Variants in ADCK5 observed in about 807,000 individuals in gnomAD.
ADCK5 encodes uncharacterized aarF domain-containing protein kinase 5.
ADCK5 carries 43 observed loss-of-function variants against 64.9 expected under a neutral mutation model. The ratio of observed to expected loss-of-function variants is 0.66; its 90% CI spans 0.52 to 0.85. The LOEUF (loss-of-function observed/expected upper bound fraction) is 0.85. Among genes scored for constraint, ADCK5 ranks in the 40% least tolerant of loss-of-function variants. The pLI is 0.00. For synonymous variants in ADCK5, 434 were observed against 342.8 expected, an observed-to-expected ratio of 1.27 and a Z score of -2.94; for missense variants, 760 against 810.5, an observed-to-expected ratio of 0.94 and a Z score of 0.76.
intron 2 of ADCK5, among the ~76,000 whole-genome samples, chr8:144,381,636 G>A (rs1478209353): frequency 6.8e-6 from 1 of 146,614 alleles, no homozygotes; most frequent in Non-Finnish European, 1.5e-5. Context: ...CAGGATTATG[G>A]GCCGGGTGTA....
chr8:144,383,058 C>G (rs1554858602), intron 2 of ADCK5, 23 bp from the exon 3 acceptor site: 2 of 1,579,556 alleles, frequency 1.3e-6, no homozygotes, highest in South Asian at 2.3e-5. Context: ...GCGGCGCCTC[C>G]AGGCTGCATT....
Position 144,390,996 on chromosome 8 carries a change from C to T in ADCK5, c.483C>T (p.Pro161=), listed in dbSNP as rs782137436. 97 of 1,612,902 alleles carry T rather than the reference C, an allele frequency of 6.0e-5. No individual in the cohort carries two copies. The highest frequency in any genetic ancestry group is 7.9e-5 in the Non-Finnish European group (93 of 1,180,000). The stretch of plus-strand genomic sequence containing the variant: ...GCTCCTTCAACCACCTGCTTCCCCC[C>T]GAGTATACCCGGACCCTGCGCGTGC... ...GLCSFNHLLP[P]EYTRTLRVLE... is the part of the protein sequence containing the mutation. The change falls in exon 5 of 15, where the codon CCC becomes CCT. Residue 161 remains proline, a synonymous_variant. Transcript: ENST00000308860.
At position 144,392,690 on chromosome 8, in the gene ADCK5, G is replaced by C. The variant is rs1554861467; in HGVS notation, c.1513G>C (p.Ala505Pro). Residue 505 changes from alanine to proline, a missense_variant, in exon 13 of 15, where the codon GCT becomes CCT. Ala to Pro is a conservative substitution (Grantham distance 27). This residue lies in a region of ADCK5 where 333 missense variants were observed against 292.0 expected (regional missense o/e 1.14). Coordinates refer to ENST00000308860, the MANE Select transcript of ADCK5 (RefSeq NM_174922.5). ...CCCCGTGGACCGCTACTTCCTTATG[G>C]CTAAAAGGTCGGTGGCCCGAGGAGG... ...GAPVDRYFLMAKRAVRGWSRL... is the reference protein window; with the variant it reads ...GAPVDRYFLMPKRAVRGWSRL... 1 of 1,595,214 alleles carries C rather than the reference G, an allele frequency of 6.3e-7. No individual in the cohort carries two copies. Among genetic ancestry groups the C allele is most frequent in the Non-Finnish European group, 8.5e-7 (1 of 1,171,070 alleles).
intron 1 of ADCK5, chr8:144,375,410 A>C (rs1454761233): frequency 1.1e-5 from 10 of 944,728 alleles, no homozygotes; most frequent in Admixed American, 6.2e-5. Context: ...CCTCATGTTG[A>C]GGTGCACAGT....
At position 144,391,006 on chromosome 8, in the gene ADCK5, C is replaced by G; in HGVS notation, c.493C>G (p.Arg165Gly). 2 of 1,612,986 alleles carry G rather than the reference C, an allele frequency of 1.2e-6. No homozygotes were observed. Among genetic ancestry groups the G allele is most frequent in the Non-Finnish European group, 1.7e-6 (2 of 1,179,996 alleles). The change falls in exon 5 of 15, where the codon CGG (arginine) becomes GGG (glycine). Residue 165 changes from arginine (R) to glycine (G), a missense_variant. Arg to Gly is a moderately radical substitution (Grantham distance 125). Transcript: ENST00000308860. ...FNHLLPPEYT[R>G]TLRVLEDRAL... ...CCACCTGCTTCCCCCCGAGTATACC[C>G]GGACCCTGCGCGTGCTAGAGGACAG...
rs910802300 is a variant in ADCK5 at position 144,383,680 on chromosome 8, G to A, written c.266+450G>A. ...CCTTGCCCTGGAGATGGGCAAAATC[G>A]GGTTATTGCTGTCAGGGCCCTTTCT... On this transcript the variant is annotated intron_variant, in intron 3 of 14. Transcript: ENST00000308860. Among the ~76,000 whole-genome samples the A allele has an allele frequency of 4.6e-5, 7 of 152,318 alleles. No homozygotes were observed. The East Asian group carries it at 9.6e-4, about 21-fold the overall frequency.
intron 2 of ADCK5, 61 bp from the exon 3 acceptor site, chr8:144,383,020 G>A (rs1030327591): frequency 1.3e-6 from 2 of 1,553,880 alleles, no homozygotes; most frequent in African/African-American, 2.7e-5. Context: ...GGTGGGGGCA[G>A]AGATCAGAGC....
chr8:144,388,763 CAA>C (rs1294944738), intron 3 of ADCK5, among the ~76,000 whole-genome samples: 85 of 109,118 alleles, frequency 7.8e-4, no homozygotes, highest in Admixed American at 9.4e-4. Context: ...ACTCCGTCTC[CAA>C]AAAAAAAAAA....
chr8:144,374,081 G>T lies in ADCK5; in HGVS notation c.-15G>T. 1 of 1,247,682 alleles carries T rather than the reference G, an allele frequency of 8.0e-7. No individual in the cohort carries two copies. Among genetic ancestry groups the T allele is most frequent in the African/African-American group, 1.5e-5 (1 of 64,650 alleles). 77.3% of individuals were successfully genotyped at this position (1,247,682 alleles called of 1,614,324 possible). ...AGCGGCGCCGGGCGGGAGAAGAGCG[G>T]AGCAGTGGTCGGAGATGTGGCGACC... On this transcript the variant is annotated 5_prime_UTR_variant, in exon 1 of 15. Coordinates refer to ENST00000308860, the MANE Select transcript of ADCK5 (RefSeq NM_174922.5).
At chr8:144,385,594 C>G (rs1819881598) in intron 3 of ADCK5, among the ~76,000 whole-genome samples, 1 of 150,986 alleles carries the variant, frequency 6.6e-6, no homozygotes. Context: ...TTGCAGTGAA[C>G]CAAGATCACG....
At chr8:144,389,184 C>A in intron 3 of ADCK5, 1 of 444,336 alleles carries the variant, frequency 2.3e-6, no homozygotes, top group Non-Finnish European at 4.6e-6. Context: ...CTAAATCTCC[C>A]CCAGGAGCCC....
chr8:144,383,355 C>T (rs1819766291), intron 3 of ADCK5, 125 bp downstream of exon 3: 1 of 1,350,978 alleles, frequency 7.4e-7, no homozygotes, highest in Non-Finnish European at 9.8e-7. Flanking sequence ...GCAGAGCTTG[C>T]TGAGGATTTT....
upstream of ADCK5, chr8:144,374,038 C>T (rs1336881252): frequency 1.1e-5 from 14 of 1,243,054 alleles, no homozygotes; most frequent in African/African-American, 1.6e-5. Context: ...GCAGGGCCTG[C>T]TGGGCTGCGA....
At position 144,383,242 on chromosome 8, in the gene ADCK5, TG is replaced by T; in HGVS notation, c.266+14del. On this transcript the variant is annotated intron_variant, in intron 3 of 14. Transcript: ENST00000308860. ...GGGCGCTTTGGCAGGTAGGAGGGCC[TG>T]GCGGCAGGCAGGGGTTGCGGCGTGG... The T allele has an allele frequency of 6.4e-7, 1 of 1,558,504 alleles. No homozygotes were observed. The highest frequency in any genetic ancestry group is 8.7e-7 in the Non-Finnish European group (1 of 1,150,934).
intron 1 of ADCK5, 46 bp from the exon 2 acceptor site, chr8:144,379,341 C>T (rs372533252): frequency 4.4e-5 from 63 of 1,432,368 alleles, no homozygotes; most frequent in Admixed American, 2.6e-4. Context: ...AGGGCAGGGG[C>T]GTGTCCTGGC....
chr8:144,385,542 G>C (rs1258307609), intron 3 of ADCK5, among the ~76,000 whole-genome samples: 1 of 151,098 alleles, frequency 6.6e-6, no homozygotes, highest in African/African-American at 2.4e-5. Flanking sequence ...GCTACTTTGA[G>C]AGGCTGAGGC....
In ADCK5 at chr8:144,392,074, AAG is replaced by A. The variant is rs782119467; in HGVS notation, c.1097-15_1097-14del. The stretch of plus-strand genomic sequence containing the variant: ...TCTCAGGGTGGGCGCAGCGCGACCT[AAG>A]AGGCTGTATCCCTAGTTCTGGTGCG... On this transcript the variant is annotated splice_polypyrimidine_tract_variant and intron_variant, in intron 10 of 14. Transcript: ENST00000308860. 3 of 1,612,456 alleles carry A rather than the reference AAG, an allele frequency of 1.9e-6. No homozygotes were observed. Among genetic ancestry groups the A allele is most frequent in the Non-Finnish European group, 2.5e-6 (3 of 1,179,932 alleles).
intron 2 of ADCK5, among the ~76,000 whole-genome samples, chr8:144,381,419 G>A (rs1326730991): frequency 5.7e-3 from 511 of 90,144 alleles, no homozygotes; most frequent in African/African-American, 9.1e-3. Flanking sequence ...TCAGGATTAT[G>A]GGCCAGGTGT....
intron 1 of ADCK5, chr8:144,375,735 A>T: frequency 8.8e-6 from 7 of 797,582 alleles, no homozygotes; most frequent in Non-Finnish European, 1.1e-5. Flanking sequence ...GTGCAGACAG[A>T]CTGCACACAC....
Sources: allele counts gnomAD v4.1 joint callset (sites outside exome capture counted in the v4.1 genomes callset), GRCh38; gene constraint gnomAD v4.1.1; regional missense constraint gnomAD v4.1.1; transcripts MANE v1.5; gene names NCBI Gene and HGNC (gene_info 2026-07-23, HGNC 2026-07-21).